The following NEK5 variants were observed in gnomAD, a reference collection of about 807,000 sequenced individuals.
The protein encoded by NEK5 is NIMA related kinase 5, also known as serine/threonine-protein kinase Nek5.
Under a neutral mutation model 109.2 loss-of-function variants are expected in NEK5, and 88 were observed. That is an observed-to-expected ratio of 0.81 (90% CI 0.68 to 0.96). The LOEUF (loss-of-function observed/expected upper bound fraction) is 0.96, where lower values mean the gene tolerates loss of function less well. Ranked by LOEUF, NEK5 falls within the 40% of genes least tolerant of loss-of-function variation. The probability of loss-of-function intolerance (pLI) is 0.00; values close to 1 mark genes in which losing one functional copy is unlikely to be tolerated. For synonymous variants in NEK5, 283 were observed against 299.9 expected (o/e 0.94, Z 0.58); for missense variants, 834 against 920.7 (o/e 0.91, Z 1.22).
intron 3 of NEK5, among the ~76,000 whole-genome samples, chr13:52,122,822 C>T (rs556548235): frequency 1.3e-5 from 2 of 151,872 alleles, no homozygotes; most frequent in South Asian, 2.1e-4. Flanking sequence ...AACTTATATA[C>T]TTATACATTA....
intron 23 of NEK5, among the ~76,000 whole-genome samples, chr13:52,043,743 A>G (rs1455317881): frequency 6.6e-6 from 1 of 152,188 alleles, no homozygotes; most frequent in Non-Finnish European, 1.5e-5. Context: ...TAAAGACACC[A>G]CTTCACACCT....
chr13:52,047,296 A>T (rs530132421), intron 23 of NEK5, among the ~76,000 whole-genome samples: 36 of 150,798 alleles, frequency 2.4e-4, no homozygotes, highest in East Asian at 1.9e-3. Context: ...ACTGTTAAAT[A>T]AAAAAAAAGC....
At chr13:52,091,067 A>G (rs1350523250) in intron 13 of NEK5, among the ~76,000 whole-genome samples, 1 of 152,018 alleles carries the variant, frequency 6.6e-6, no homozygotes, top group East Asian at 1.9e-4. Flanking sequence ...ATGGCCTGTA[A>G]TTGGACCTCC....
intron 17 of NEK5, among the ~76,000 whole-genome samples, chr13:52,078,357 C>T (rs938926787): frequency 1.4e-4 from 21 of 152,130 alleles, no homozygotes; most frequent in Admixed American, 3.3e-4. Context: ...AAATTCAAAC[C>T]AACCTACAGC....
chr13:52,078,045 G>C (rs142318030), intron 17 of NEK5, among the ~76,000 whole-genome samples: 2 of 151,426 alleles, frequency 1.3e-5, no homozygotes, highest in Non-Finnish European at 2.9e-5. Flanking sequence ...TTGCACTCCA[G>C]CCTGGGCAAC....
chr13:52,090,915 A>G (rs1424643532), intron 13 of NEK5, among the ~76,000 whole-genome samples: 2 of 151,690 alleles, frequency 1.3e-5, no homozygotes, highest in Non-Finnish European at 2.9e-5. Flanking sequence ...AGTCCCAGCT[A>G]CTCTGGAGAC....
chr13:52,121,431 A>T (rs1955968245), intron 3 of NEK5, among the ~76,000 whole-genome samples: 1 of 152,204 alleles, frequency 6.6e-6, no homozygotes, highest in South Asian at 2.1e-4. Flanking sequence ...AAGTGCTGGG[A>T]TTACAGGCAT....
At chr13:52,042,810 A>T (rs1377274803) in intron 23 of NEK5, among the ~76,000 whole-genome samples, 1 of 152,052 alleles carries the variant, frequency 6.6e-6, no homozygotes, top group Non-Finnish European at 1.5e-5. Context: ...CAAAATTATT[A>T]TGGGGGGAAA....
chr13:52,038,825 G>GAAAAAAAAAAAAAAA, intron 23 of NEK5, among the ~76,000 whole-genome samples: 1 of 94,562 alleles, frequency 1.1e-5, no homozygotes, highest in Non-Finnish European at 2.0e-5. Context: ...ACACTCATCT[G>GAAAAAAAAAAAAAAA]AAAAAAAAAA....
At position 52,035,536 on chromosome 13, in the gene NEK5, GC is replaced by G. The variant is rs766501142; in HGVS notation, c.*1411del. The G allele has an allele frequency of 1.3e-5, 2 of 152,168 alleles. No individual in the cohort carries two copies. Among genetic ancestry groups the G allele is most frequent in the Non-Finnish European group, 2.9e-5 (2 of 68,014 alleles). The allele number at this position is 152,168 out of a possible 1,614,324, so 9.4% of individuals were successfully genotyped here. ...TAAATAAACATCTGTTAAGCTCCAG[GC>G]CATGTTCAACGTTGGAATTGTTATG... On this transcript the variant is annotated 3_prime_UTR_variant, in exon 24 of 24. Transcript: ENST00000684899.
At chr13:52,065,686 T>C in intron 20 of NEK5, 77 bp from the exon 21 acceptor site, 1 of 1,012,328 alleles carries the variant, frequency 9.9e-7, no homozygotes, top group Non-Finnish European at 1.5e-6. Flanking sequence ...TCTTAGGAAC[T>C]CAGAGGCAGT....
Position 52,112,371 on chromosome 13 carries a change from A to G in NEK5, c.215-6T>C, listed in dbSNP as rs370980810. The G allele has an allele frequency of 2.5e-5, 39 of 1,564,814 alleles. No homozygotes were observed. The highest frequency in any genetic ancestry group is 3.3e-4 in the Middle Eastern group (2 of 5,984). ...AATAAACAGCCTGCCATTCTCTGTA[A>G]GAAAAGGAATCATTTGGTGCTGGAA... On this transcript the variant is annotated splice_polypyrimidine_tract_variant and splice_region_variant and intron_variant, in intron 4 of 23. Coordinates refer to ENST00000684899, the MANE Select transcript of NEK5 (RefSeq NM_001365552.1).
chr13:52,081,608 TAG>T (rs1472156988), intron 17 of NEK5, among the ~76,000 whole-genome samples: 1 of 152,188 alleles, frequency 6.6e-6, no homozygotes, highest in Non-Finnish European at 1.5e-5. Flanking sequence ...ATCTAAAAAG[TAG>T]AGAGACAATA....
rs3076657 is a variant in NEK5, at chr13:52,127,354, A to ACTT, written c.117+9_117+11dup. The ACTT allele has an allele frequency of 0.68, 881,369 of 1,296,522 alleles. 302,368 individuals carry two copies. Among genetic ancestry groups the ACTT allele is most frequent in the Middle Eastern group, 0.74 (4,030 of 5,444 alleles). 80.3% of individuals were successfully genotyped at this position (1,296,522 alleles called of 1,614,324 possible). On this transcript the variant is annotated intron_variant, in intron 3 of 23. Coordinates refer to ENST00000684899, the MANE Select transcript of NEK5 (RefSeq NM_001365552.1). The stretch of plus-strand genomic sequence containing the variant: ...CCACTGAAAATTAACAGAAATTTGA[A>ACTT]CTTAACTTTACCTTTTCAAAATTGA...
chr13:52,044,066 G>A (rs571277336), intron 23 of NEK5, among the ~76,000 whole-genome samples: 6 of 152,306 alleles, frequency 3.9e-5, no homozygotes, highest in East Asian at 1.9e-4. Context: ...CTGCCAGCAC[G>A]GCTAGAATGT....
chr13:52,078,483 A>G (rs1954908833), intron 17 of NEK5, among the ~76,000 whole-genome samples: 1 of 152,236 alleles, frequency 6.6e-6, no homozygotes, highest in Non-Finnish European at 1.5e-5. Flanking sequence ...GGATATGTTC[A>G]CTATATTGAT....
chr13:52,043,066 TAAAA>T (rs1267472695), intron 23 of NEK5, among the ~76,000 whole-genome samples: 9 of 149,838 alleles, frequency 6.0e-5, no homozygotes, highest in Non-Finnish European at 1.0e-4. Context: ...ATGATGAAAA[TAAAA>T]GAATAGAAAA....
chr13:52,089,193 A>G (rs1955222565), intron 14 of NEK5, 54 bp downstream of exon 14: 1 of 1,134,968 alleles, frequency 8.8e-7, no homozygotes, highest in South Asian at 1.3e-5. Flanking sequence ...ATCTGTGAAC[A>G]GAAAAACTAT....
intron 6 of NEK5, 22 bp from the exon 7 acceptor site, chr13:52,110,432 T>C (rs1267631477): frequency 1.9e-6 from 3 of 1,609,354 alleles, no homozygotes; most frequent in Non-Finnish European, 2.6e-6. Context: ...GAAAATGTCA[T>C]GTTGTTTGAG....
Sources: allele counts gnomAD v4.1 joint callset (sites outside exome capture counted in the v4.1 genomes callset), GRCh38; gene constraint gnomAD v4.1.1; transcripts MANE v1.5; gene names NCBI Gene and HGNC (gene_info 2026-07-23, HGNC 2026-07-21).